The following BBS9 variants were observed in gnomAD, a reference collection of about 807,000 sequenced individuals.
BBS9 encodes the protein Bardet-Biedl syndrome 9.
Under a neutral mutation model 117.7 loss-of-function variants are expected in BBS9, and 89 were observed. The observed-to-expected ratio is 0.76, with a 90% confidence interval of 0.64 to 0.90. The LOEUF (loss-of-function observed/expected upper bound fraction) is 0.90. Among genes scored for constraint, BBS9 ranks in the 40% least tolerant of loss-of-function variants. The probability of loss-of-function intolerance (pLI) is 0.00; values close to 1 mark genes in which losing one functional copy is unlikely to be tolerated. For missense variants in BBS9, 982 were observed against 1,042.2 expected, an observed-to-expected ratio of 0.94 and a Z score of 0.80; for synonymous variants, 379 against 370.9, an observed-to-expected ratio of 1.02 and a Z score of -0.25.
chr7:33,160,032 C>T (rs1370754333), intron 4 of BBS9, among the ~76,000 whole-genome samples: 1 of 152,096 alleles, frequency 6.6e-6, no homozygotes, highest in African/African-American at 2.4e-5. Context: ...TCTCCATGGC[C>T]AACAAGAAGT....
At chr7:33,554,473 A>G (rs1449927948) in intron 21 of BBS9, among the ~76,000 whole-genome samples, 1 of 152,116 alleles carries the variant, frequency 6.6e-6, no homozygotes, top group Non-Finnish European at 1.5e-5. Flanking sequence ...TTGGTGCTGG[A>G]TTGTGTGTAA....
rs778235831 is a variant in BBS9, at chr7:33,341,003, T to A, written c.1275+30T>A. On this transcript the variant is annotated intron_variant, in intron 11 of 22. Coordinates refer to ENST00000242067, the MANE Select transcript of BBS9 (RefSeq NM_198428.3). ...GTGTACTTGCAGATTTTAAAGGGGT[T>A]TATAAGAGTGGTAAACTCTGATGAA... 1.9e-6 allele frequency: 3 copies of A among 1,585,210 alleles called. 1 individual carries two copies. In the South Asian group the frequency reaches 3.3e-5, roughly 18 times the overall value.
chr7:33,435,365 T>C (rs1004595817), intron 19 of BBS9, among the ~76,000 whole-genome samples: 1 of 152,216 alleles, frequency 6.6e-6, no homozygotes, highest in African/African-American at 2.4e-5. Flanking sequence ...TTTGATACTT[T>C]GTGAGTACAA....
chr7:33,403,129 G>C (rs929215721), intron 19 of BBS9, among the ~76,000 whole-genome samples: 1 of 151,716 alleles, frequency 6.6e-6, no homozygotes, highest in African/African-American at 2.4e-5. Context: ...TCAGGGAGTA[G>C]ATGTGCAGAT....
chr7:33,581,612 A>G (rs900004279), intron 21 of BBS9, among the ~76,000 whole-genome samples: 1 of 152,182 alleles, frequency 6.6e-6, no homozygotes, highest in African/African-American at 2.4e-5. Flanking sequence ...AATTTTCATG[A>G]AAGTTAGAAG....
At chr7:33,317,716 C>A (rs1810826412) in intron 9 of BBS9, among the ~76,000 whole-genome samples, 1 of 152,156 alleles carries the variant, frequency 6.6e-6, no homozygotes, top group African/African-American at 2.4e-5. Flanking sequence ...CAGAAGAGAT[C>A]TTTGTCAAAG....
intron 9 of BBS9, among the ~76,000 whole-genome samples, chr7:33,322,680 AAAT>A (rs746971786): frequency 1.3e-5 from 2 of 151,964 alleles, no homozygotes; most frequent in Non-Finnish European, 2.9e-5. Flanking sequence ...TCATCTCAAA[AAAT>A]AACCTTTTCT....
chr7:33,224,257 A>G (rs1343074494), intron 5 of BBS9, among the ~76,000 whole-genome samples: 2 of 152,226 alleles, frequency 1.3e-5, no homozygotes, highest in Non-Finnish European at 2.9e-5. Flanking sequence ...TTTTGCAGAT[A>G]AGGATACTGA....
chr7:33,389,404 G>C (rs993369470), intron 19 of BBS9, among the ~76,000 whole-genome samples: 4 of 151,940 alleles, frequency 2.6e-5, no homozygotes, highest in Non-Finnish European at 5.9e-5. Context: ...AATTTTCTTG[G>C]TTAGGCTGGG....
chr7:33,435,243 C>T (rs1835126344), intron 19 of BBS9, among the ~76,000 whole-genome samples: 1 of 152,106 alleles, frequency 6.6e-6, no homozygotes, highest in African/African-American at 2.4e-5. Context: ...TAGGGATTAT[C>T]AGAATACTTG....
intron 5 of BBS9, among the ~76,000 whole-genome samples, chr7:33,256,073 A>G (rs543461128): frequency 2.6e-5 from 4 of 152,314 alleles, no homozygotes; most frequent in Non-Finnish European, 5.9e-5. Flanking sequence ...GAATCACTTG[A>G]ACCCAGGAGG....
intron 7 of BBS9, among the ~76,000 whole-genome samples, chr7:33,265,457 A>G (rs1254900177): frequency 1.3e-5 from 2 of 152,176 alleles, no homozygotes; most frequent in African/African-American, 4.8e-5. Flanking sequence ...AGGTCTTGAG[A>G]GCTTTACTTT....
intron 12 of BBS9, among the ~76,000 whole-genome samples, chr7:33,348,647 A>G (rs1818044110): frequency 6.6e-6 from 1 of 152,174 alleles, no homozygotes; most frequent in Non-Finnish European, 1.5e-5. Context: ...AACTTTTCTT[A>G]GAGTAGCTGT....
At chr7:33,371,724 A>T (rs1183438635) in intron 17 of BBS9, among the ~76,000 whole-genome samples, 2 of 152,114 alleles carry the variant, frequency 1.3e-5, no homozygotes, top group Non-Finnish European at 2.9e-5. Flanking sequence ...ATAATGTATA[A>T]ATCTGAAAAA....
intron 21 of BBS9, among the ~76,000 whole-genome samples, chr7:33,539,223 T>C (rs1851900759): frequency 6.6e-6 from 1 of 152,170 alleles, no homozygotes; most frequent in Non-Finnish European, 1.5e-5. Flanking sequence ...GAAAGAACAC[T>C]TGAGAGACCA....
chr7:33,561,166 T>C (rs1251552590), intron 21 of BBS9, among the ~76,000 whole-genome samples: 5 of 152,226 alleles, frequency 3.3e-5, no homozygotes, highest in Non-Finnish European at 5.9e-5. Flanking sequence ...GTAAGCCACC[T>C]AATACACTGA....
intron 16 of BBS9, among the ~76,000 whole-genome samples, chr7:33,361,890 A>T (rs1405391105): frequency 6.6e-6 from 1 of 152,120 alleles, no homozygotes; most frequent in Admixed American, 6.6e-5. Context: ...AAAAAAGCTT[A>T]AATTGAAGTA....
chr7:33,345,320 T>C (rs1402006210), intron 12 of BBS9, among the ~76,000 whole-genome samples: 1 of 152,224 alleles, frequency 6.6e-6, no homozygotes, highest in Non-Finnish European at 1.5e-5. Context: ...GTCAGCACAT[T>C]ATTAAGCTGA....
chr7:33,555,315 T>C (rs900848189), intron 21 of BBS9, among the ~76,000 whole-genome samples: 5 of 152,192 alleles, frequency 3.3e-5, no homozygotes, highest in Non-Finnish European at 5.9e-5. Context: ...AACACTTAAC[T>C]ACATTTAGGT....
Sources: allele counts gnomAD v4.1 joint callset (sites outside exome capture counted in the v4.1 genomes callset), GRCh38; gene constraint gnomAD v4.1.1; transcripts MANE v1.5; gene names NCBI Gene and HGNC (gene_info 2026-07-23, HGNC 2026-07-21).